PTP4A1: variants seen among roughly 807,000 people sequenced by gnomAD.
PTP4A1 encodes the protein protein tyrosine phosphatase type IVA 1.
Under a neutral mutation model 20.5 loss-of-function variants are expected in PTP4A1, and 9 were observed. The observed-to-expected ratio is 0.44, with a 90% confidence interval of 0.26 to 0.77. PTP4A1 has a LOEUF of 0.77. PTP4A1 is among the 30% of genes least tolerant of loss of function. The pLI is 0.19. For synonymous variants in PTP4A1, 78 were observed against 67.4 expected (o/e 1.16, Z -0.77); for missense variants, 137 against 218.8 (o/e 0.63, Z 2.36).
upstream of PTP4A1, among the ~76,000 whole-genome samples, chr6:63,519,968 C>T (rs1011757764): frequency 1.3e-5 from 2 of 152,090 alleles, no homozygotes; most frequent in East Asian, 3.9e-4. Flanking sequence ...TAATTTTTAC[C>T]CTGTAACTGT....
At chr6:63,567,922 T>C (rs1777258379), upstream of PTP4A1, among the ~76,000 whole-genome samples, 1 of 152,242 alleles carries the variant, frequency 6.6e-6, no homozygotes, top group African/African-American at 2.4e-5. Context: ...CTTCTACTCT[T>C]AAACCTCATG....
intron 2 of PTP4A1, among the ~76,000 whole-genome samples, chr6:63,544,890 T>C (rs1776119386): frequency 6.6e-6 from 1 of 152,192 alleles, no homozygotes; most frequent in South Asian, 2.1e-4. Context: ...CTAAAATAAC[T>C]ACTTTTCCCT....
chr6:63,553,833 T>G (rs1776552628), intron 3 of PTP4A1, among the ~76,000 whole-genome samples: 1 of 152,210 alleles, frequency 6.6e-6, no homozygotes, highest in Non-Finnish European at 1.5e-5. Flanking sequence ...CAGCCTGGGA[T>G]TATAATTGTA....
At chr6:63,518,909 G>C (rs1051210200), upstream of PTP4A1, among the ~76,000 whole-genome samples, 3 of 152,164 alleles carry the variant, frequency 2.0e-5, no homozygotes, top group African/African-American at 7.2e-5. Context: ...AGAAAAAAAA[G>C]CAGGATACAT....
At chr6:63,522,023 C>T (rs1774945406) in intron 1 of PTP4A1, among the ~76,000 whole-genome samples, 1 of 152,362 alleles carries the variant, frequency 6.6e-6, no homozygotes, top group Non-Finnish European at 1.5e-5. Flanking sequence ...AGTAATCTGT[C>T]TCCCTCTCCA....
chr6:63,518,762 T>C (rs1774820160), upstream of PTP4A1, among the ~76,000 whole-genome samples: 1 of 152,118 alleles, frequency 6.6e-6, no homozygotes, highest in East Asian at 1.9e-4. Context: ...AATAATGCAA[T>C]AATCATAAAT....
chr6:63,579,073 A>G lies in PTP4A1; in HGVS notation c.329+45A>G, dbSNP rs1400060351. 2.0e-6 allele frequency: 3 copies of G among 1,520,214 alleles called. No individual in the cohort carries two copies. In the South Asian group the frequency reaches 4.0e-5, roughly 20 times the overall value. 94.2% of individuals were successfully genotyped at this position (1,520,214 alleles called of 1,614,324 possible). A position where few individuals can be genotyped will look rare whatever the true frequency, so the allele number is the denominator to read the frequency against. On this transcript the variant is annotated intron_variant, in intron 4 of 5. Coordinates refer to ENST00000626021, the MANE Select transcript of PTP4A1 (RefSeq NM_003463.5). ...TGATTCTAGGTAAAAATCTATTGAT[A>G]ATGAAAATACAGAAACTTGAAAAAT...
chr6:63,566,161 C>T (rs1377367895), intron 3 of PTP4A1, among the ~76,000 whole-genome samples: 1 of 152,206 alleles, frequency 6.6e-6, no homozygotes, highest in African/African-American at 2.4e-5. Flanking sequence ...AGAATTCGTA[C>T]AACAGAGTAC....
Position 63,572,527 on chromosome 6 carries a change from C to G in PTP4A1, c.-638C>G, listed in dbSNP as rs1050896905. 2 of 392,202 alleles carry G rather than the reference C, an allele frequency of 5.1e-6. No individual in the cohort carries two copies. Among genetic ancestry groups the G allele is most frequent in the Non-Finnish European group, 9.0e-6 (2 of 221,998 alleles). 24.3% of individuals were successfully genotyped at this position (392,202 alleles called of 1,614,324 possible). On this transcript the variant is annotated 5_prime_UTR_variant, in exon 1 of 6. Coordinates refer to ENST00000626021, the MANE Select transcript of PTP4A1 (RefSeq NM_003463.5). ...CTTCGGCTGCGGGCCGGCTCGGCTA[C>G]GCGCTCTGCTCCGAGCCGCTCACTG...
intron 3 of PTP4A1, among the ~76,000 whole-genome samples, chr6:63,563,442 T>G (rs565969048): frequency 1.3e-5 from 2 of 152,296 alleles, no homozygotes; most frequent in East Asian, 3.9e-4. Context: ...CTCCCCCTCT[T>G]TTTGTGATTC....
intron 2 of PTP4A1, among the ~76,000 whole-genome samples, chr6:63,535,054 C>T (rs1775659860): frequency 1.3e-5 from 2 of 150,938 alleles, no homozygotes; most frequent in Non-Finnish European, 3.0e-5. Context: ...GAGTGAAACT[C>T]CTTCACAAAA....
chr6:63,531,955 C>T (rs1775490020), intron 2 of PTP4A1, among the ~76,000 whole-genome samples: 1 of 152,068 alleles, frequency 6.6e-6, no homozygotes, highest in Admixed American at 6.6e-5. Flanking sequence ...CATCCACCAC[C>T]ATGGCTGGTT....
upstream of PTP4A1, among the ~76,000 whole-genome samples, chr6:63,517,978 C>A: frequency 6.6e-6 from 1 of 152,012 alleles, no homozygotes; most frequent in Non-Finnish European, 1.5e-5. Context: ...CATGGTGAAA[C>A]CCCATCTCTA....
At chr6:63,541,709 T>G (rs552401043) in intron 2 of PTP4A1, among the ~76,000 whole-genome samples, 2 of 152,312 alleles carry the variant, frequency 1.3e-5, no homozygotes, top group African/African-American at 4.8e-5. Context: ...AAGCCCCTAC[T>G]GTCTCCATCC....
intron 3 of PTP4A1, among the ~76,000 whole-genome samples, chr6:63,563,394 C>G (rs1430425101): frequency 6.6e-6 from 1 of 152,162 alleles, no homozygotes; most frequent in African/African-American, 2.4e-5. Flanking sequence ...ACCTGAAATT[C>G]TGTGTTGTCA....
At chr6:63,567,906 A>G (rs1438206866), upstream of PTP4A1, among the ~76,000 whole-genome samples, 1 of 152,162 alleles carries the variant, frequency 6.6e-6, no homozygotes, top group Non-Finnish European at 1.5e-5. Context: ...TATGTTAGGG[A>G]GAGGGCTTCT....
At chr6:63,567,478 C>G (rs748585251) in intron 3 of PTP4A1, among the ~76,000 whole-genome samples, 30 of 152,154 alleles carry the variant, frequency 2.0e-4, no homozygotes, top group African/African-American at 7.2e-4. Context: ...AAATAAATCA[C>G]GTTTTATCAG....
intron 2 of PTP4A1, among the ~76,000 whole-genome samples, chr6:63,535,286 G>A (rs192949537): frequency 3.3e-5 from 5 of 152,172 alleles, no homozygotes; most frequent in South Asian, 2.1e-4. Context: ...CCAACATGGT[G>A]AAACCCCGTT....
At position 63,576,452 on chromosome 6, in the gene PTP4A1, T is replaced by C. The variant is rs1269895192; in HGVS notation, c.-429T>C. On this transcript the variant is annotated 5_prime_UTR_variant, in exon 2 of 6. Coordinates refer to ENST00000626021, the MANE Select transcript of PTP4A1 (RefSeq NM_003463.5). The stretch of plus-strand genomic sequence containing the variant: ...TTTAAACAGCAATTCTGTGGTGTTC[T>C]TGGTCACACATTTATGGAGTTTCTG... 1 of 400,126 alleles carries C rather than the reference T, an allele frequency of 2.5e-6. No homozygotes were observed. Among genetic ancestry groups the C allele is most frequent in the Admixed American group, 4.4e-5 (1 of 22,864 alleles). 24.8% of individuals were successfully genotyped at this position (400,126 alleles called of 1,614,324 possible).
Sources: allele counts gnomAD v4.1 joint callset (sites outside exome capture counted in the v4.1 genomes callset), GRCh38; gene constraint gnomAD v4.1.1; transcripts MANE v1.5; gene names NCBI Gene and HGNC (gene_info 2026-07-23, HGNC 2026-07-21).